Variants in GARNL3 observed in about 807,000 individuals in gnomAD.
GARNL3 encodes the protein GTPase activating Rap/RanGAP domain like 3.
Under a neutral mutation model 125.0 loss-of-function variants are expected in GARNL3, and 63 were observed. The observed-to-expected ratio is 0.50, with a 90% CI of 0.41 to 0.62. The LOEUF (loss-of-function observed/expected upper bound fraction) is 0.62, where lower values mean the gene tolerates loss of function less well. Ranked by LOEUF, GARNL3 falls within the 20% of genes least tolerant of loss-of-function variation. GARNL3 has a pLI of 0.00. For synonymous variants in GARNL3, 439 were observed against 457.5 expected, an observed-to-expected ratio of 0.96 and a Z score of 0.52; for missense variants, 994 against 1,244.0, an observed-to-expected ratio of 0.80 and a Z score of 3.02.
At position 127,318,130 on chromosome 9, in the gene GARNL3, G is replaced by A. The variant is rs1160851960; in HGVS notation, c.503+3G>A. On this transcript the variant is annotated splice_donor_region_variant and intron_variant, in intron 5 of 27. Coordinates refer to ENST00000373387, the MANE Select transcript of GARNL3 (RefSeq NM_032293.5). ...CTTTCTGTGAAGTCCATCTTAAGGT[G>A]AGTTCTAATGGGTAGAAACCCCACA... is the stretch of plus-strand genomic sequence containing the variant. 2 of 1,568,670 alleles carry A rather than the reference G, an allele frequency of 1.3e-6. No homozygotes were observed. The highest frequency in any genetic ancestry group is 1.8e-6 in the Non-Finnish European group (2 of 1,138,726).
At chr9:127,311,454 C>T (rs906958813) in intron 2 of GARNL3, among the ~76,000 whole-genome samples, 182 bp from the exon 3 acceptor site, 7 of 152,144 alleles carry the variant, frequency 4.6e-5, no homozygotes, top group African/African-American at 1.7e-4. Flanking sequence ...CAAAGGCCTC[C>T]TGGATGCTTC....
chr9:127,276,113 G>A (rs2131311563), intron 1 of GARNL3, among the ~76,000 whole-genome samples: 1 of 150,004 alleles, frequency 6.7e-6, no homozygotes, highest in East Asian at 1.9e-4. Context: ...AATCCAGTTG[G>A]CATTCCTCAA....
chr9:127,310,980 AAAG>A (rs946345771), intron 2 of GARNL3, among the ~76,000 whole-genome samples: 7 of 152,126 alleles, frequency 4.6e-5, no homozygotes, highest in Non-Finnish European at 4.4e-5. Flanking sequence ...GAATTATCCT[AAAG>A]AAATAATTGA....
intron 21 of GARNL3, 28 bp from the exon 22 acceptor site, chr9:127,365,272 C>A: frequency 6.3e-7 from 1 of 1,592,126 alleles, no homozygotes; most frequent in Non-Finnish European, 8.6e-7. Flanking sequence ...TCCAGCCTGC[C>A]CACTACCGTT....
chr9:127,263,861 T>G (rs1282176182), upstream of GARNL3: 63 of 1,343,434 alleles, frequency 4.7e-5, no homozygotes, highest in East Asian at 4.5e-4. Context: ...CATGCTGTCT[T>G]TCTTGGAGCC....
chr9:127,344,011 T>A (rs898558670), intron 14 of GARNL3, among the ~76,000 whole-genome samples: 7 of 152,054 alleles, frequency 4.6e-5, no homozygotes, highest in Admixed American at 3.9e-4. Context: ...TTCAAAGCCG[T>A]GTCCTCAGCC....
chr9:127,282,184 C>A (rs897586313), intron 1 of GARNL3, among the ~76,000 whole-genome samples: 12 of 152,104 alleles, frequency 7.9e-5, no homozygotes, highest in African/African-American at 2.9e-4. Context: ...CTTTGTCCAG[C>A]AGTTAGTACA....
chr9:127,255,589 A>G (rs1418012511), intron 2 of GARNL3, among the ~76,000 whole-genome samples: 1 of 152,196 alleles, frequency 6.6e-6, no homozygotes, highest in East Asian at 1.9e-4. Flanking sequence ...TGTAATGTTC[A>G]TTATATTATT....
intron 6 of GARNL3, among the ~76,000 whole-genome samples, chr9:127,324,545 G>T (rs1404393216): frequency 6.6e-6 from 1 of 152,188 alleles, no homozygotes; most frequent in African/African-American, 2.4e-5. Context: ...TCAGAGCCTT[G>T]GCTTTGGTGT....
At chr9:127,386,173 T>G (rs1427952194) in intron 24 of GARNL3, among the ~76,000 whole-genome samples, 1 of 152,234 alleles carries the variant, frequency 6.6e-6, no homozygotes, top group African/African-American at 2.4e-5. Flanking sequence ...TGGAGTTATA[T>G]CTCAATCCAC....
chr9:127,387,017 C>G, intron 24 of GARNL3, 176 bp from the exon 25 acceptor site: 3 of 545,204 alleles, frequency 5.5e-6, no homozygotes, highest in Non-Finnish European at 6.4e-6. Flanking sequence ...GTGTAACTAG[C>G]CACGCTGGGC....
At chr9:127,307,618 A>C (rs1346990018) in intron 2 of GARNL3, among the ~76,000 whole-genome samples, 1 of 152,258 alleles carries the variant, frequency 6.6e-6, no homozygotes, top group Non-Finnish European at 1.5e-5. Context: ...ATTAATAGTC[A>C]TAGTGGGAAA....
At chr9:127,343,263 G>T (rs1829966760) in intron 14 of GARNL3, among the ~76,000 whole-genome samples, 1 of 152,048 alleles carries the variant, frequency 6.6e-6, no homozygotes, top group Non-Finnish European at 1.5e-5. Context: ...ACCACTCGCA[G>T]GGATTGGGCC....
intron 2 of GARNL3, chr9:127,245,537 T>G (rs1324621132): frequency 1.3e-5 from 2 of 152,236 alleles, no homozygotes; most frequent in Non-Finnish European, 2.9e-5. Flanking sequence ...CAGGCCTTGC[T>G]CTGGACCCCA....
Position 127,274,603 on chromosome 9 carries a change from C to A in GARNL3, c.144+9582C>A, listed in dbSNP as rs114760975. The stretch of plus-strand genomic sequence containing the variant: ...TCTGCGCCTCTGTGCTGCTCTCTTG[C>A]AGCCACCTTGGCTTGGCTCACAATC... On this transcript the variant is annotated intron_variant, in intron 1 of 27. Coordinates refer to ENST00000373387, the MANE Select transcript of GARNL3 (RefSeq NM_032293.5). 8.7e-3 allele frequency among the ~76,000 whole-genome samples: 1,332 copies of A among 152,264 alleles called. 28 individuals carry two copies. Among genetic ancestry groups the A allele is most frequent in the African/African-American group, 0.03 (1,243 of 41,532 alleles).
At chr9:127,232,298 A>G (rs1056898410) in intron 1 of GARNL3, among the ~76,000 whole-genome samples, 1 of 152,212 alleles carries the variant, frequency 6.6e-6, no homozygotes, top group Non-Finnish European at 1.5e-5. Flanking sequence ...GTAGTAACTC[A>G]TCAACATCCC....
At chr9:127,315,424 C>T (rs909410554) in intron 4 of GARNL3, among the ~76,000 whole-genome samples, 1 of 152,008 alleles carries the variant, frequency 6.6e-6, no homozygotes, top group African/African-American at 2.4e-5. Context: ...AGCACTTGAG[C>T]GCAGGAGTTC....
At position 127,266,838 on chromosome 9, in the gene GARNL3, T is replaced by C. The variant is rs1447408200; in HGVS notation, c.144+1817T>C. Among the ~76,000 whole-genome samples, 2 of 152,172 alleles carry C rather than the reference T, an allele frequency of 1.3e-5. No homozygotes were observed. The highest frequency in any genetic ancestry group is 4.8e-5 in the African/African-American group (2 of 41,440). The stretch of plus-strand genomic sequence containing the variant: ...CGCTTTTAAACAGTGACAACATTAC[T>C]TGGGGGAGATAACATGGGTGTGAAA... On this transcript the variant is annotated intron_variant, in intron 1 of 27. Transcript: ENST00000373387. This position sits in a 1 kb window ranked among gnomAD's most constrained non-coding sequence, Gnocchi z 4.0.
intron 22 of GARNL3, among the ~76,000 whole-genome samples, chr9:127,372,867 C>T (rs1831684211): frequency 6.6e-6 from 1 of 152,310 alleles, no homozygotes; most frequent in Middle Eastern, 3.4e-3. Context: ...ATATACTTCC[C>T]AGTGTGGAAG....
Sources: gnomAD v4.1 joint callset for allele counts (sites outside exome capture counted in the v4.1 genomes callset) on GRCh38, gnomAD v4.1.1 for gene constraint, Gnocchi (gnomAD v3.1) non-coding constraint, MANE v1.5 for transcripts, NCBI Gene and HGNC (gene_info 2026-07-23, HGNC 2026-07-21) for gene names.